Variants in CADPS observed in about 807,000 individuals in gnomAD.
The protein encoded by CADPS is calcium-dependent secretion activator 1.
Under a neutral mutation model 167.3 loss-of-function variants are expected in CADPS, and 57 were observed. That is an observed-to-expected ratio of 0.34 (90% CI 0.28 to 0.42). CADPS has a LOEUF of 0.42. Among genes scored for constraint, CADPS ranks in the 20% least tolerant of loss-of-function variants. CADPS has a pLI of 1.00. For missense variants in CADPS, 1,414 were observed against 1,738.1 expected, an observed-to-expected ratio of 0.81 and a Z score of 3.32; for synonymous variants, 676 against 635.3, an observed-to-expected ratio of 1.06 and a Z score of -0.96.
intron 12 of CADPS, among the ~76,000 whole-genome samples, chr3:62,535,788 C>T (rs997635884): frequency 6.6e-6 from 1 of 152,008 alleles, no homozygotes; most frequent in Admixed American, 6.6e-5. Context: ...TATAATAGCA[C>T]TCCCTTGAAT....
At chr3:62,488,538 G>A (rs1045333123) in intron 21 of CADPS, among the ~76,000 whole-genome samples, 2 of 151,820 alleles carry the variant, frequency 1.3e-5, no homozygotes, top group Admixed American at 6.6e-5. Context: ...GTCACCCCAG[G>A]CTGGAGTACA....
intron 20 of CADPS, 60 bp from the exon 21 acceptor site, chr3:62,491,540 C>CACACACACACACAA: frequency 9.7e-7 from 1 of 1,025,738 alleles, no homozygotes. Flanking sequence ...ACGTACAACA[C>CACACACACACACAA]ACACACACAC....
At chr3:62,418,501 T>TG (rs1443743872) in intron 28 of CADPS, among the ~76,000 whole-genome samples, 1 of 149,152 alleles carries the variant, frequency 6.7e-6, no homozygotes, top group East Asian at 1.9e-4. Context: ...TTTTTTTTTT[T>TG]TTTTTTTTTG....
chr3:62,658,862 T>C (rs1388090261), intron 4 of CADPS, among the ~76,000 whole-genome samples: 1 of 152,090 alleles, frequency 6.6e-6, no homozygotes, highest in Non-Finnish European at 1.5e-5. Flanking sequence ...ATTCTTAGCA[T>C]TGTGAATTTG....
intron 10 of CADPS, among the ~76,000 whole-genome samples, chr3:62,553,393 G>A (rs1255399688): frequency 2.0e-5 from 3 of 152,176 alleles, no homozygotes; most frequent in African/African-American, 4.8e-5. Context: ...TTTTACAGAT[G>A]AGGAAACTAA....
At chr3:62,615,398 A>C (rs528596047) in intron 6 of CADPS, among the ~76,000 whole-genome samples, 14 of 152,180 alleles carry the variant, frequency 9.2e-5, no homozygotes, top group Non-Finnish European at 1.9e-4. Flanking sequence ...TTCCCAGCAA[A>C]TGATGATGAC....
chr3:62,758,341 A>G (rs1003005530), intron 2 of CADPS, among the ~76,000 whole-genome samples: 2 of 152,210 alleles, frequency 1.3e-5, no homozygotes, highest in East Asian at 1.9e-4. Flanking sequence ...AATGATAAGA[A>G]CATGGAGGAA....
At chr3:62,533,707 T>A (rs140438027) in intron 12 of CADPS, among the ~76,000 whole-genome samples, 1 of 152,176 alleles carries the variant, frequency 6.6e-6, no homozygotes, top group Non-Finnish European at 1.5e-5. Context: ...TCTACATACA[T>A]GCCAGGACTT....
intron 26 of CADPS, among the ~76,000 whole-genome samples, chr3:62,451,309 T>G (rs530044452): frequency 1.5e-4 from 23 of 152,138 alleles, no homozygotes; most frequent in African/African-American, 5.5e-4. Flanking sequence ...TAAGGGATTT[T>G]CTTCTGCCTG....
At chr3:62,779,214 G>T in intron 1 of CADPS, 2 of 266,646 alleles carry the variant, frequency 7.5e-6, no homozygotes, top group Non-Finnish European at 1.6e-5. Context: ...GTGCTTTTTG[G>T]GCTGGAGTGT....
At chr3:62,590,982 G>A (rs1461113389) in intron 7 of CADPS, among the ~76,000 whole-genome samples, 1 of 152,020 alleles carries the variant, frequency 6.6e-6, no homozygotes, top group East Asian at 1.9e-4. Flanking sequence ...AGCCTCCTGA[G>A]TAGCTAGGAT....
At chr3:62,564,791 G>C (rs1237624101) in intron 9 of CADPS, among the ~76,000 whole-genome samples, 1 of 151,912 alleles carries the variant, frequency 6.6e-6, no homozygotes, top group Non-Finnish European at 1.5e-5. Context: ...ATTTTTAGTA[G>C]AGATGGGGTT....
chr3:62,858,610 T>C (rs1438261856), intron 1 of CADPS, among the ~76,000 whole-genome samples: 1 of 152,208 alleles, frequency 6.6e-6, no homozygotes, highest in Non-Finnish European at 1.5e-5. Context: ...CAATTGTGTC[T>C]ACTAAAAATG....
Position 62,874,970 on chromosome 3 carries a change from G to A in CADPS, c.60C>T (p.Gly20=), listed in dbSNP as rs938732449. The part of the protein sequence containing the change: ...ESDEIVEEES[G]KEVLGSAPSG... ...ACGGGGCCGAGCCGAGCACCTCCTT[G>A]CCGCTCTCCTCCTCCACGATCTCAT... Residue 20 remains glycine (G), a synonymous_variant, in exon 1 of 30, where the codon GGC becomes GGT. Transcript: ENST00000383710. This position sits in a 1 kb window ranked among gnomAD's most constrained non-coding sequence, Gnocchi z 7.1. The A allele has an allele frequency of 1.4e-5, 22 of 1,591,996 alleles. No individual in the cohort carries two copies. In the African/African-American group the frequency reaches 2.8e-4, roughly 20 times the overall value.
At chr3:62,564,705 T>C (rs940690179) in intron 9 of CADPS, among the ~76,000 whole-genome samples, 7 of 151,552 alleles carry the variant, frequency 4.6e-5, no homozygotes, top group African/African-American at 1.5e-4. Context: ...CTCCTAGGTT[T>C]AAGCGATTCT....
intron 9 of CADPS, among the ~76,000 whole-genome samples, chr3:62,569,179 C>T (rs977004045): frequency 5.3e-5 from 8 of 152,194 alleles, no homozygotes; most frequent in Non-Finnish European, 1.0e-4. Context: ...CAGCTCACTG[C>T]AACCTCCACC....
rs143065542 is a variant in CADPS at position 62,763,718 on chromosome 3, AACTTC to A, written c.555+2148_555+2152del. Reference sequence around the variant, plus strand: ...GTTAACCCTGATCTCCTGATACAGAAACTTCACTTTAGAGGATTAGACTTCCCTGG... The same window carrying A: ...GTTAACCCTGATCTCCTGATACAGAAACTTTAGAGGATTAGACTTCCCTGG... On this transcript the variant is annotated intron_variant, in intron 2 of 29. Coordinates refer to ENST00000383710, the MANE Select transcript of CADPS (RefSeq NM_003716.4). Among the ~76,000 whole-genome samples, 109 of 152,262 alleles carry A rather than the reference AACTTC, an allele frequency of 7.2e-4. 2 individuals carry two copies. The East Asian group carries it at 0.019, about 26-fold the overall frequency.
chr3:62,422,459 T>G (rs1575789789), intron 28 of CADPS, among the ~76,000 whole-genome samples: 2 of 152,198 alleles, frequency 1.3e-5, no homozygotes, highest in East Asian at 1.9e-4. Context: ...AACAACTCCC[T>G]TTTTTTCTTT....
chr3:62,455,894 G>A lies in CADPS; in HGVS notation c.3636+9473C>T, dbSNP rs1252302728. Among the ~76,000 whole-genome samples, 4 of 152,180 alleles carry A rather than the reference G, an allele frequency of 2.6e-5. No individual in the cohort carries two copies. The highest frequency in any genetic ancestry group is 4.8e-5 in the African/African-American group (2 of 41,436). ...ACCTCTGGTGTCCTTGACTTTTCCT[G>A]CAGGCTGCTTTAGCCTGAATTTGAA... On this transcript the variant is annotated intron_variant, in intron 26 of 29. Coordinates refer to ENST00000383710, the MANE Select transcript of CADPS (RefSeq NM_003716.4). The surrounding 1 kb of genome is among the most constrained non-coding windows in gnomAD (Gnocchi z 4.4).
Sources: allele counts gnomAD v4.1 joint callset (sites outside exome capture counted in the v4.1 genomes callset), GRCh38; gene constraint gnomAD v4.1.1; non-coding constraint Gnocchi (gnomAD v3.1); transcripts MANE v1.5; gene names NCBI Gene and HGNC (gene_info 2026-07-23, HGNC 2026-07-21).